Variants in DGLUCY observed in about 807,000 individuals in gnomAD.
The protein encoded by DGLUCY is D-glutamate cyclase.
Under a neutral mutation model 58.5 loss-of-function variants are expected in DGLUCY, and 58 were observed. The ratio of observed to expected loss-of-function variants is 0.99; its 90% CI spans 0.80 to 1.23. DGLUCY has a LOEUF of 1.23. DGLUCY is among the 50% of genes most tolerant of loss of function. The pLI, the probability that DGLUCY is intolerant of heterozygous loss-of-function variation, is 0.00. For missense variants in DGLUCY, 779 were observed against 784.7 expected, an observed-to-expected ratio of 0.99 and a Z score of 0.09; for synonymous variants, 325 against 314.1, an observed-to-expected ratio of 1.03 and a Z score of -0.37.
chr14:91,099,362 G>A (rs11159991), intron 1 of DGLUCY, among the ~76,000 whole-genome samples: 24,621 of 151,876 alleles, frequency 0.16, 2,137 homozygotes, highest in Non-Finnish European at 0.19. Context: ...GTGAAACCCC[G>A]TCTCTACAAA....
At chr14:91,126,017 T>C (rs977369856) in intron 1 of DGLUCY, among the ~76,000 whole-genome samples, 1 of 152,168 alleles carries the variant, frequency 6.6e-6, no homozygotes, top group Non-Finnish European at 1.5e-5. Flanking sequence ...ACCCAAGCAT[T>C]GTGCTAAGGA....
intron 1 of DGLUCY, among the ~76,000 whole-genome samples, chr14:91,061,294 C>G (rs1424586967): frequency 6.6e-6 from 1 of 152,150 alleles, no homozygotes; most frequent in African/African-American, 2.4e-5. Context: ...AGTTCTTAAA[C>G]GTTACAAAAA....
At chr14:91,224,047 T>C (rs1246290932) in intron 13 of DGLUCY, among the ~76,000 whole-genome samples, 1 of 152,160 alleles carries the variant, frequency 6.6e-6, no homozygotes. Flanking sequence ...GTCACCCTGG[T>C]CATTTCTAGA....
chr14:91,162,971 A>G (rs561505678), intron 3 of DGLUCY, among the ~76,000 whole-genome samples: 1 of 151,840 alleles, frequency 6.6e-6, no homozygotes, highest in African/African-American at 2.4e-5. Context: ...TAAAGATACA[A>G]TTTGTGCTGG....
chr14:91,103,544 T>C (rs1331164634), upstream of DGLUCY, among the ~76,000 whole-genome samples: 8 of 152,032 alleles, frequency 5.3e-5, no homozygotes. Flanking sequence ...GCATAGGGCC[T>C]CTCTTCCTTC....
intron 1 of DGLUCY, among the ~76,000 whole-genome samples, chr14:91,127,715 C>A (rs2045789537): frequency 6.6e-6 from 1 of 152,238 alleles, no homozygotes; most frequent in Non-Finnish European, 1.5e-5. Context: ...TAGCCTGGGG[C>A]AGGGAATCTG....
At chr14:91,159,173 G>A (rs2047835675) in intron 2 of DGLUCY, among the ~76,000 whole-genome samples, 1 of 151,180 alleles carries the variant, frequency 6.6e-6, no homozygotes, top group African/African-American at 2.4e-5. Context: ...TAGGCCAGGT[G>A]TGGTGGCTCA....
At chr14:91,137,364 C>T (rs2046399161) in intron 1 of DGLUCY, among the ~76,000 whole-genome samples, 1 of 151,650 alleles carries the variant, frequency 6.6e-6, no homozygotes, top group South Asian at 2.1e-4. Flanking sequence ...TTATGGCCTA[C>T]TATCAGAAAA....
chr14:91,062,556 AAAATATATATATATAT>A (rs1817022469), intron 1 of DGLUCY, among the ~76,000 whole-genome samples: 1 of 30,594 alleles, frequency 3.3e-5, no homozygotes, highest in Admixed American at 4.7e-4. Flanking sequence ...TAAAAAAAAA[AAAATATATATATATAT>A]ATATATATAT....
chr14:91,215,945 T>C, intron 13 of DGLUCY: 3 of 367,574 alleles, frequency 8.2e-6, no homozygotes, highest in Non-Finnish European at 1.5e-5. Flanking sequence ...CTCCAAGGAA[T>C]TCACCACCCA....
intron 8 of DGLUCY, among the ~76,000 whole-genome samples, chr14:91,188,363 G>C (rs2049653336): frequency 6.6e-6 from 1 of 152,194 alleles, no homozygotes; most frequent in African/African-American, 2.4e-5. Flanking sequence ...CCAGACTGAA[G>C]GGAGGCTCCT....
intron 12 of DGLUCY, among the ~76,000 whole-genome samples, chr14:91,214,732 C>T (rs1367172208): frequency 1.3e-5 from 2 of 152,162 alleles, no homozygotes; most frequent in Non-Finnish European, 2.9e-5. Context: ...CACCTATAAT[C>T]CCAGCTACTT....
At chr14:91,062,728 T>C (rs963733921) in intron 1 of DGLUCY, among the ~76,000 whole-genome samples, 1 of 151,512 alleles carries the variant, frequency 6.6e-6, no homozygotes, top group African/African-American at 2.4e-5. Flanking sequence ...ACAGAAGCCT[T>C]GCAAGTTCCT....
rs1328553286 is a variant in DGLUCY, at chr14:91,167,745, TC to T, written c.257+368del. 5.1e-5 allele frequency: 35 copies of T among 680,178 alleles called. No homozygotes were observed. In the East Asian group the frequency reaches 9.4e-4, roughly 18 times the overall value. 42.1% of individuals were successfully genotyped at this position (680,178 alleles called of 1,614,324 possible). A position where few individuals can be genotyped will look rare whatever the true frequency, so the allele number is the denominator to read the frequency against. ...AACACCCAGAGACAGAGATATTGTG[TC>T]TGTTCTCCCAGGCTTTTAAACTAGA... On this transcript the variant is annotated intron_variant, in intron 4 of 13. Transcript: ENST00000256324.
rs766745473 is a variant in DGLUCY at position 91,199,732 on chromosome 14, AC to A, written c.1296-23del. On this transcript the variant is annotated intron_variant, in intron 10 of 13. Coordinates refer to ENST00000256324, the MANE Select transcript of DGLUCY (RefSeq NM_001102368.3). Reference sequence around the variant, plus strand: ...AGCCACCTCTCCATAGGACCCTCTGACCTCTGACCTTTGCTTCCCGGCAGAT... The same window carrying A: ...AGCCACCTCTCCATAGGACCCTCTGACTCTGACCTTTGCTTCCCGGCAGAT... 7 of 1,612,740 alleles carry A rather than the reference AC, an allele frequency of 4.3e-6. No homozygotes were observed. In the East Asian group the frequency reaches 1.3e-4, roughly 31 times the overall value.
intron 1 of DGLUCY, among the ~76,000 whole-genome samples, chr14:91,079,671 T>C (rs1035182403): frequency 6.6e-6 from 1 of 152,252 alleles, no homozygotes; most frequent in Admixed American, 6.5e-5. Context: ...TTAAGTTCTT[T>C]AGAATATTTT....
Position 91,224,912 on chromosome 14 carries a change from C to A in DGLUCY, c.*79C>A. On this transcript the variant is annotated 3_prime_UTR_variant, in exon 14 of 14. Coordinates refer to ENST00000256324, the MANE Select transcript of DGLUCY (RefSeq NM_001102368.3). ...GGGAGAATGCAGCTGCTTCTGGCGA[C>A]AATCCTGCTAGTAAACACTGGTCTT... 3 of 1,427,208 alleles carry A rather than the reference C, an allele frequency of 2.1e-6. No homozygotes were observed. In the South Asian group the frequency reaches 4.3e-5, roughly 20 times the overall value. The allele number at this position is 1,427,208 out of a possible 1,614,324, so 88.4% of individuals were successfully genotyped here.
intron 13 of DGLUCY, chr14:91,223,791 T>C: frequency 9.8e-7 from 1 of 1,020,332 alleles, no homozygotes; most frequent in Non-Finnish European, 1.3e-6. Flanking sequence ...CTAAGTGCTT[T>C]GCTTGTACGT....
At position 91,204,798 on chromosome 14, in the gene DGLUCY, G is replaced by A. The variant is rs200155995; in HGVS notation, c.1537G>A (p.Val513Met). The change falls in exon 12 of 14, where the codon GTG (valine) becomes ATG (methionine). Residue 513 changes from valine to methionine, a missense_variant. Physicochemically the swap from Val to Met is conservative, Grantham distance 21. Coordinates refer to ENST00000256324, the MANE Select transcript of DGLUCY (RefSeq NM_001102368.3). ...GCACGGGGATGTCATCGCCTGCGAC[G>A]TGGAGGCTGACTTTGCCGTCATTGC... ...IRHGDVIACD[V>M]EADFAVIAGV... The A allele has an allele frequency of 6.0e-5, 97 of 1,613,996 alleles. No individual in the cohort carries two copies. The highest frequency in any genetic ancestry group is 2.7e-4 in the East Asian group (12 of 44,890).
Sources: allele counts gnomAD v4.1 joint callset (sites outside exome capture counted in the v4.1 genomes callset), GRCh38; gene constraint gnomAD v4.1.1; transcripts MANE v1.5; gene names NCBI Gene and HGNC (gene_info 2026-07-23, HGNC 2026-07-21).